The following CA10 variants were observed in gnomAD, a reference collection of about 807,000 sequenced individuals.
CA10 encodes carbonic anhydrase-related protein 10.
Under a neutral mutation model 44.2 loss-of-function variants are expected in CA10, and 14 were observed. The observed-to-expected ratio is 0.32, with a 90% CI of 0.21 to 0.50. The LOEUF is 0.50. Ranked by LOEUF, CA10 falls within the 20% of genes least tolerant of loss-of-function variation. The probability of loss-of-function intolerance (pLI) is 0.99; values close to 1 mark genes in which losing one functional copy is unlikely to be tolerated. For synonymous variants in CA10, 159 were observed against 141.6 expected (o/e 1.12, Z -0.87); for missense variants, 350 against 409.7 (o/e 0.85, Z 1.26).
intron 1 of CA10, among the ~76,000 whole-genome samples, chr17:52,096,716 C>A (rs1503055): frequency 0.35 from 52,780 of 152,098 alleles, 10,621 homozygotes; most frequent in East Asian, 0.68. Context: ...AAGTTCTACT[C>A]TGTATGCTTT....
chr17:51,659,726 ACTT>A (rs1463181848), intron 4 of CA10, among the ~76,000 whole-genome samples: 1 of 152,138 alleles, frequency 6.6e-6, no homozygotes, highest in African/African-American at 2.4e-5. Context: ...ATTCTTGAAA[ACTT>A]CTATGAGTTA....
At position 51,889,634 on chromosome 17, in the gene CA10, T is replaced by G. The variant is rs563620417; in HGVS notation, c.279+41356A>C. Among the ~76,000 whole-genome samples, 14 of 152,236 alleles carry G rather than the reference T, an allele frequency of 9.2e-5. No individual in the cohort carries two copies. In the South Asian group the frequency reaches 2.9e-3, roughly 32 times the overall value. ...AGGACATCACTACTGGGAAGCATGGTTCATTGGGGGCCACCTTTGGAGACT... is the reference window on the plus strand; with the variant it reads ...AGGACATCACTACTGGGAAGCATGGGTCATTGGGGGCCACCTTTGGAGACT... On this transcript the variant is annotated intron_variant, in intron 3 of 8. Transcript: ENST00000451037.
rs185167531 is a variant in CA10 at position 51,901,669 on chromosome 17, G to A, written c.279+29321C>T. The stretch of plus-strand genomic sequence containing the variant: ...ACTCTCAGTCTGGAGCTGAGATTGC[G>A]CCACTGCACTCTAGTCTGGGTGACA... On this transcript the variant is annotated intron_variant, in intron 3 of 8. Transcript: ENST00000451037. 1.5e-4 allele frequency among the ~76,000 whole-genome samples: 23 copies of A among 152,122 alleles called. No homozygotes were observed. In the East Asian group the frequency reaches 1.5e-3, roughly 10 times the overall value.
chr17:52,011,274 C>A (rs1176429362), intron 2 of CA10, among the ~76,000 whole-genome samples: 1 of 151,894 alleles, frequency 6.6e-6, no homozygotes, highest in Non-Finnish European at 1.5e-5. Flanking sequence ...AGTCAGCAAT[C>A]CTGGGCTTCA....
At chr17:51,951,509 T>C (rs1983481692) in intron 2 of CA10, among the ~76,000 whole-genome samples, 1 of 152,110 alleles carries the variant, frequency 6.6e-6, no homozygotes, top group Non-Finnish European at 1.5e-5. Flanking sequence ...GACTTAACAA[T>C]CATCTTTGGT....
chr17:52,092,933 G>T (rs9906461), intron 1 of CA10, among the ~76,000 whole-genome samples: 78,013 of 152,066 alleles, frequency 0.51, 20,736 homozygotes, highest in African/African-American at 0.63. Flanking sequence ...ACTTAATGTT[G>T]TTGATAGGTT....
intron 1 of CA10, among the ~76,000 whole-genome samples, chr17:52,093,265 C>A (rs1157605133): frequency 6.6e-6 from 1 of 152,022 alleles, no homozygotes; most frequent in Non-Finnish European, 1.5e-5. Flanking sequence ...ATGAATTAAC[C>A]AACTCATAGA....
chr17:51,780,570 G>A (rs912781332), intron 3 of CA10, among the ~76,000 whole-genome samples: 1 of 152,218 alleles, frequency 6.6e-6, no homozygotes, highest in African/African-American at 2.4e-5. Context: ...TGAGTGGCAT[G>A]ATGAGGGGTA....
intron 4 of CA10, among the ~76,000 whole-genome samples, chr17:51,681,362 G>A (rs1229562441): frequency 6.6e-6 from 1 of 152,202 alleles, no homozygotes; most frequent in African/African-American, 2.4e-5. Flanking sequence ...CAGTGCTGCT[G>A]TTGGCATCAG....
chr17:51,894,295 G>A (rs908866039), intron 3 of CA10, among the ~76,000 whole-genome samples: 17 of 152,040 alleles, frequency 1.1e-4, no homozygotes, highest in Non-Finnish European at 8.8e-5. Flanking sequence ...CTGACCCCAC[G>A]TTTGTCCCCC....
intron 3 of CA10, among the ~76,000 whole-genome samples, chr17:51,906,988 G>A (rs1723399089): frequency 6.6e-6 from 1 of 152,132 alleles, no homozygotes; most frequent in Non-Finnish European, 1.5e-5. Context: ...GCTTCACACA[G>A]CACACAGCAG....
At chr17:52,041,332 G>A (rs1411259422) in intron 2 of CA10, among the ~76,000 whole-genome samples, 1 of 152,048 alleles carries the variant, frequency 6.6e-6, no homozygotes, top group Non-Finnish European at 1.5e-5. Flanking sequence ...ACAATTAGAA[G>A]ACAGAAACAT....
intron 4 of CA10, among the ~76,000 whole-genome samples, chr17:51,679,344 C>T (rs1452771824): frequency 1.3e-5 from 2 of 151,316 alleles, no homozygotes; most frequent in African/African-American, 4.9e-5. Flanking sequence ...ACTGCAAGCT[C>T]CGCCTCCCGG....
intron 3 of CA10, among the ~76,000 whole-genome samples, chr17:51,901,618 C>T (rs1451388902): frequency 6.6e-6 from 1 of 151,988 alleles, no homozygotes; most frequent in African/African-American, 2.4e-5. Context: ...GGATGGGGTA[C>T]TAGTCTGAAT....
At chr17:51,667,475 ATGGAGGGCTG>A (rs1269322341) in intron 4 of CA10, among the ~76,000 whole-genome samples, 2 of 151,974 alleles carry the variant, frequency 1.3e-5, no homozygotes, top group East Asian at 3.9e-4. Context: ...TACTGCCCAG[ATGGAGGGCTG>A]TGGCTAGGAA....
chr17:51,837,182 C>A (rs187819822), intron 3 of CA10, among the ~76,000 whole-genome samples: 16 of 152,220 alleles, frequency 1.1e-4, no homozygotes, highest in East Asian at 1.9e-4. Flanking sequence ...AAGCTCCAAG[C>A]CTTCAGGAAG....
intron 3 of CA10, among the ~76,000 whole-genome samples, chr17:51,807,956 A>G (rs1425018136): frequency 1.3e-5 from 2 of 152,206 alleles, no homozygotes; most frequent in Non-Finnish European, 2.9e-5. Context: ...AAATCTGCCA[A>G]TATATCCTCT....
chr17:51,866,117 C>T (rs761515079), intron 3 of CA10, among the ~76,000 whole-genome samples: 4 of 152,210 alleles, frequency 2.6e-5, no homozygotes, highest in Admixed American at 6.5e-5. Flanking sequence ...TCTGTCATGT[C>T]CTGATAGTTC....
intron 3 of CA10, among the ~76,000 whole-genome samples, chr17:51,781,401 A>T (rs977276245): frequency 6.6e-6 from 1 of 152,202 alleles, no homozygotes; most frequent in Non-Finnish European, 1.5e-5. Flanking sequence ...TGAGTTCGGA[A>T]ATAGGCTCTA....
Sources: gnomAD v4.1 joint callset for allele counts (sites outside exome capture counted in the v4.1 genomes callset) on GRCh38, gnomAD v4.1.1 for gene constraint, MANE v1.5 for transcripts, NCBI Gene and HGNC (gene_info 2026-07-23, HGNC 2026-07-21) for gene names.